Variants in FER observed in about 807,000 individuals in gnomAD.
FER encodes the protein tyrosine-protein kinase Fer.
In FER, 63 loss-of-function variants were observed where a neutral mutation model predicts 111.0. That is an observed-to-expected ratio of 0.57 (90% CI 0.46 to 0.70). FER has a LOEUF of 0.70. Ranked by LOEUF, FER falls within the 30% of genes least tolerant of loss-of-function variation. FER has a pLI of 0.00. For missense variants in FER, 914 were observed against 954.0 expected (o/e 0.96, Z 0.55); for synonymous variants, 327 against 313.9 (o/e 1.04, Z -0.44).
At chr5:108,939,482 T>C (rs1431402311) in intron 10 of FER, among the ~76,000 whole-genome samples, 4 of 152,042 alleles carry the variant, frequency 2.6e-5, no homozygotes, top group Admixed American at 2.6e-4. Context: ...GTTCAAACCA[T>C]GTCGTCAAGG....
intron 13 of FER, among the ~76,000 whole-genome samples, chr5:109,032,153 A>G (rs1315233444): frequency 6.6e-6 from 1 of 152,188 alleles, no homozygotes; most frequent in Non-Finnish European, 1.5e-5. Flanking sequence ...TCTGTGGGCT[A>G]TGCCAGAGAG....
rs191690639 is a variant in FER, at chr5:108,901,754, C to A, written c.1236+3906C>A. Reference sequence around the variant, plus strand: ...ACTGCCTGAGTTCAGGAGTTTGAGACCAGCCTGGGCAACATGGCAAAACCT... The same window carrying A: ...ACTGCCTGAGTTCAGGAGTTTGAGAACAGCCTGGGCAACATGGCAAAACCT... On this transcript the variant is annotated intron_variant, in intron 10 of 19. Transcript: ENST00000281092. 6.8e-3 allele frequency among the ~76,000 whole-genome samples: 1,029 copies of A among 152,206 alleles called. 11 individuals are homozygous for A. The highest frequency in any genetic ancestry group is 0.011 in the Non-Finnish European group (721 of 68,016).
At chr5:108,911,105 C>G (rs532184060) in intron 10 of FER, among the ~76,000 whole-genome samples, 1 of 152,210 alleles carries the variant, frequency 6.6e-6, no homozygotes, top group South Asian at 2.1e-4. Flanking sequence ...ATAACATTTT[C>G]TTTTCACCAC....
intron 2 of FER, among the ~76,000 whole-genome samples, chr5:108,772,303 G>A (rs983325004): frequency 2.2e-5 from 2 of 92,976 alleles, no homozygotes; most frequent in Admixed American, 9.8e-5. Flanking sequence ...CCCCTGTTAT[G>A]CCATATATAT....
intron 1 of FER, among the ~76,000 whole-genome samples, chr5:108,765,737 A>G (rs1752246179): frequency 6.6e-6 from 1 of 152,196 alleles, no homozygotes; most frequent in African/African-American, 2.4e-5. Flanking sequence ...GATAGAGAAG[A>G]GAGTTTAAAC....
At chr5:108,769,527 C>T (rs1370877713) in intron 2 of FER, among the ~76,000 whole-genome samples, 1 of 152,096 alleles carries the variant, frequency 6.6e-6, no homozygotes, top group Non-Finnish European at 1.5e-5. Context: ...GAGACATGGA[C>T]TGGTTGAAAG....
At position 108,891,708 on chromosome 5, in the gene FER, A is replaced by G. The variant is rs554332764; in HGVS notation, c.1047-5951A>G. Among the ~76,000 whole-genome samples the G allele has an allele frequency of 3.8e-4, 57 of 150,410 alleles. No individual in the cohort carries two copies. The South Asian group carries it at 0.012, about 32-fold the overall frequency. ...ACTTTACGTTTTAGGGTACATGTGC[A>G]CAACGTGCAGGTTAGTTACATATGT... On this transcript the variant is annotated intron_variant, in intron 9 of 19. Coordinates refer to ENST00000281092, the MANE Select transcript of FER (RefSeq NM_005246.4).
intron 17 of FER, among the ~76,000 whole-genome samples, chr5:109,151,107 C>T (rs556281797): frequency 2.6e-5 from 4 of 152,064 alleles, no homozygotes; most frequent in Admixed American, 6.6e-5. Context: ...TTGTAATTCG[C>T]TGAATGATGC....
intron 12 of FER, among the ~76,000 whole-genome samples, chr5:108,958,279 C>T (rs1758695990): frequency 6.6e-6 from 1 of 151,700 alleles, no homozygotes; most frequent in Admixed American, 6.6e-5. Context: ...AGAATTTAGT[C>T]AGTTTCGAAA....
intron 3 of FER, among the ~76,000 whole-genome samples, chr5:108,815,456 G>T (rs1758179818): frequency 6.6e-6 from 1 of 152,070 alleles, no homozygotes; most frequent in African/African-American, 2.4e-5. Context: ...TGATAGGTAA[G>T]AAATGATATC....
chr5:108,779,560 G>A (rs191044921), intron 2 of FER, among the ~76,000 whole-genome samples: 3 of 152,106 alleles, frequency 2.0e-5, no homozygotes, highest in Non-Finnish European at 2.9e-5. Flanking sequence ...CAATATAAAT[G>A]TTGTTGTGTT....
chr5:108,879,792 C>G (rs1234192941), intron 8 of FER, among the ~76,000 whole-genome samples: 1 of 149,060 alleles, frequency 6.7e-6, no homozygotes, highest in Non-Finnish European at 1.5e-5. Flanking sequence ...TCACTGTAAC[C>G]TCCGCCTCTC....
intron 13 of FER, among the ~76,000 whole-genome samples, chr5:109,031,413 A>G (rs1165850331): frequency 1.3e-5 from 2 of 152,202 alleles, no homozygotes; most frequent in African/African-American, 4.8e-5. Flanking sequence ...TCCAATGACC[A>G]TAGTATTTTA....
intron 15 of FER, among the ~76,000 whole-genome samples, chr5:109,045,632 G>A (rs1771861819): frequency 6.6e-6 from 1 of 152,124 alleles, no homozygotes; most frequent in South Asian, 2.1e-4. Context: ...CCAGGTCTTT[G>A]AGAAAAGAAA....
At chr5:108,823,085 T>C (rs1228087627) in intron 3 of FER, among the ~76,000 whole-genome samples, 1 of 152,222 alleles carries the variant, frequency 6.6e-6, no homozygotes, top group Non-Finnish European at 1.5e-5. Context: ...TTGGCCAGGC[T>C]TGGACTTCTG....
intron 13 of FER, among the ~76,000 whole-genome samples, chr5:109,035,580 T>C (rs1240319904): frequency 6.6e-6 from 1 of 152,210 alleles, no homozygotes; most frequent in Non-Finnish European, 1.5e-5. Context: ...CTATTACAAA[T>C]AGAGCTGCTT....
intron 9 of FER, chr5:108,891,346 T>G (rs1181528615): frequency 1.3e-5 from 2 of 152,150 alleles, no homozygotes; most frequent in Non-Finnish European, 2.9e-5. Context: ...GTAAATAGTT[T>G]TCTCCCAGTC....
At chr5:109,151,114 A>G (rs931097532) in intron 17 of FER, among the ~76,000 whole-genome samples, 6 of 152,124 alleles carry the variant, frequency 3.9e-5, no homozygotes, top group Non-Finnish European at 7.4e-5. Context: ...TCGCTGAATG[A>G]TGCTTCCTGC....
At chr5:109,177,943 A>G (rs1281497120) in intron 17 of FER, among the ~76,000 whole-genome samples, 1 of 152,210 alleles carries the variant, frequency 6.6e-6, no homozygotes, top group Non-Finnish European at 1.5e-5. Flanking sequence ...ATTGTTCTCT[A>G]GCACTTTTAT....
Sources: gnomAD v4.1 joint callset for allele counts (sites outside exome capture counted in the v4.1 genomes callset) on GRCh38, gnomAD v4.1.1 for gene constraint, MANE v1.5 for transcripts, NCBI Gene and HGNC (gene_info 2026-07-23, HGNC 2026-07-21) for gene names.